The following CNTN5 variants were observed in gnomAD, a reference collection of about 807,000 sequenced individuals.
The protein encoded by CNTN5 is contactin 5.
In CNTN5, 77 loss-of-function variants were observed where a neutral mutation model predicts 129.1. The observed-to-expected ratio is 0.60, with a 90% CI of 0.50 to 0.72. The LOEUF (loss-of-function observed/expected upper bound fraction) is 0.72, where lower values mean the gene tolerates loss of function less well. Ranked by LOEUF, CNTN5 falls within the 30% of genes least tolerant of loss-of-function variation. CNTN5 has a pLI of 0.00. For missense variants in CNTN5, 1,478 were observed against 1,328.8 expected (o/e 1.11, Z -1.75); for synonymous variants, 509 against 465.6 (o/e 1.09, Z -1.20).
intron 3 of CNTN5, among the ~76,000 whole-genome samples, chr11:99,639,860 G>GAA (rs1221446116): frequency 6.6e-6 from 1 of 152,030 alleles, no homozygotes; most frequent in Non-Finnish European, 1.5e-5. Context: ...CACCACGTCA[G>GAA]TCCCAAGTCA....
At chr11:100,000,928 A>G (rs78698096) in intron 8 of CNTN5, among the ~76,000 whole-genome samples, 10,598 of 152,184 alleles carry the variant, frequency 0.07, 683 homozygotes, top group African/African-American at 0.16. Flanking sequence ...GAGCAGCTAG[A>G]ACACGAGACA....
intron 3 of CNTN5, among the ~76,000 whole-genome samples, chr11:99,704,469 T>C (rs891218410): frequency 6.6e-6 from 1 of 151,088 alleles, no homozygotes; most frequent in African/African-American, 2.4e-5. Flanking sequence ...CCAAACAAAT[T>C]GAGCTATGTT....
intron 1 of CNTN5, among the ~76,000 whole-genome samples, chr11:99,160,122 C>T (rs969756712): frequency 3.9e-5 from 6 of 152,208 alleles, no homozygotes; most frequent in Admixed American, 6.5e-5. Context: ...GTTATTCTGA[C>T]GTTGAGACTA....
intron 18 of CNTN5, among the ~76,000 whole-genome samples, 163 bp downstream of exon 18, chr11:100,271,404 T>C (rs1374687313): frequency 1.3e-5 from 2 of 152,210 alleles, no homozygotes; most frequent in East Asian, 3.8e-4. Context: ...TTATTTCATT[T>C]TATTTGTTCT....
intron 1 of CNTN5, among the ~76,000 whole-genome samples, chr11:99,253,599 T>A (rs1862224181): frequency 6.6e-6 from 1 of 152,000 alleles, no homozygotes; most frequent in Non-Finnish European, 1.5e-5. Flanking sequence ...TTGGTCAATT[T>A]GAGTTAGTTA....
chr11:99,972,238 G>C (rs971506550), intron 8 of CNTN5, among the ~76,000 whole-genome samples: 7 of 152,048 alleles, frequency 4.6e-5, no homozygotes, highest in Admixed American at 4.6e-4. Flanking sequence ...TCCAGCCTGG[G>C]CGACAGGGCG....
chr11:99,645,124 A>T (rs1477416979), intron 3 of CNTN5, among the ~76,000 whole-genome samples: 2 of 137,432 alleles, frequency 1.5e-5, no homozygotes, highest in South Asian at 2.3e-4. Flanking sequence ...GCCAGGCGTG[A>T]TGCTGGGTTC....
At chr11:99,321,007 T>G (rs1314676276) in intron 1 of CNTN5, among the ~76,000 whole-genome samples, 4 of 152,178 alleles carry the variant, frequency 2.6e-5, no homozygotes, top group African/African-American at 7.2e-5. Flanking sequence ...CTGCCAGCTT[T>G]TGATCTGAGA....
intron 1 of CNTN5, among the ~76,000 whole-genome samples, chr11:99,131,847 C>T (rs555740685): frequency 2.0e-5 from 3 of 152,266 alleles, no homozygotes; most frequent in Admixed American, 2.0e-4. Context: ...ACCATTTCTT[C>T]TGAAACTATT....
chr11:100,311,774 A>G (rs908603132), intron 21 of CNTN5, among the ~76,000 whole-genome samples: 5 of 152,042 alleles, frequency 3.3e-5, no homozygotes, highest in African/African-American at 9.7e-5. Flanking sequence ...TGTGGAGACC[A>G]TAAGTAACCT....
At chr11:99,236,973 C>T (rs1206303780) in intron 1 of CNTN5, among the ~76,000 whole-genome samples, 9 of 150,922 alleles carry the variant, frequency 6.0e-5, no homozygotes, top group Non-Finnish European at 1.3e-4. Flanking sequence ...GAGTTTGTTC[C>T]TGTGATTTAA....
At chr11:100,290,716 A>G (rs1418309695) in intron 18 of CNTN5, among the ~76,000 whole-genome samples, 4 of 150,596 alleles carry the variant, frequency 2.7e-5, no homozygotes, top group African/African-American at 9.7e-5. Flanking sequence ...TCATGTCTAT[A>G]ACACCAAAAG....
At chr11:99,199,643 T>C (rs80108062) in intron 1 of CNTN5, among the ~76,000 whole-genome samples, 383 of 152,296 alleles carry the variant, frequency 2.5e-3, no homozygotes, top group African/African-American at 8.8e-3. Flanking sequence ...GAATTTCTCA[T>C]GGATACGACA....
intron 21 of CNTN5, among the ~76,000 whole-genome samples, chr11:100,312,836 T>C (rs1205891413): frequency 6.6e-6 from 1 of 152,072 alleles, no homozygotes; most frequent in Non-Finnish European, 1.5e-5. Flanking sequence ...CCTCTTATTT[T>C]TCCTGAATCA....
chr11:99,380,453 C>T (rs573652758), intron 2 of CNTN5, among the ~76,000 whole-genome samples: 102 of 152,194 alleles, frequency 6.7e-4, no homozygotes, highest in African/African-American at 2.4e-3. Context: ...TAAACAAGAA[C>T]ATTTGTCAGA....
chr11:100,213,619 C>G (rs1949079442), intron 15 of CNTN5, among the ~76,000 whole-genome samples: 1 of 152,064 alleles, frequency 6.6e-6, no homozygotes, highest in Non-Finnish European at 1.5e-5. Flanking sequence ...ACTGAGTGTC[C>G]TTGACCTTGA....
chr11:99,774,494 T>TA (rs5794022), intron 3 of CNTN5, among the ~76,000 whole-genome samples: 196 of 145,184 alleles, frequency 1.4e-3, no homozygotes, highest in Middle Eastern at 3.6e-3. Context: ...ATAGGAGAAG[T>TA]AAAAAAAAAA....
chr11:100,049,716 A>T (rs1942859378), intron 9 of CNTN5, among the ~76,000 whole-genome samples: 1 of 152,182 alleles, frequency 6.6e-6, no homozygotes, highest in African/African-American at 2.4e-5. Context: ...AATTTTCACA[A>T]CCTACTCACC....
chr11:99,701,367 G>T (rs372845446), intron 3 of CNTN5, among the ~76,000 whole-genome samples: 1 of 151,184 alleles, frequency 6.6e-6, no homozygotes, highest in East Asian at 2.0e-4. Flanking sequence ...AGAGATTATT[G>T]ATATAACCAT....
Sources: gnomAD v4.1 joint callset for allele counts (sites outside exome capture counted in the v4.1 genomes callset) on GRCh38, gnomAD v4.1.1 for gene constraint, MANE v1.5 for transcripts, NCBI Gene and HGNC (gene_info 2026-07-23, HGNC 2026-07-21) for gene names.